PCDH15: variants seen among roughly 807,000 people sequenced by gnomAD.
PCDH15 encodes the protein protocadherin-15.
In PCDH15, 129 loss-of-function variants were observed where a neutral mutation model predicts 178.5. That is an observed-to-expected ratio of 0.72 (90% CI 0.63 to 0.84). PCDH15 has a LOEUF of 0.84. Ranked by LOEUF, PCDH15 falls within the 40% of genes least tolerant of loss-of-function variation. The pLI is 0.00. For missense variants in PCDH15, 2,230 were observed against 2,099.9 expected (o/e 1.06, Z -1.21); for synonymous variants, 800 against 732.0 (o/e 1.09, Z -1.50).
chr10:55,605,798 TG>T, intron 2 of PCDH15, among the ~76,000 whole-genome samples: 1 of 43,106 alleles, frequency 2.3e-5, no homozygotes, highest in East Asian at 6.5e-4. Context: ...TCATACTGAA[TG>T]GGCAAAAACT....
chr10:55,501,990 C>T (rs979908703), intron 2 of PCDH15, among the ~76,000 whole-genome samples: 1 of 151,500 alleles, frequency 6.6e-6, no homozygotes, highest in Non-Finnish European at 1.5e-5. Context: ...TATGTAATTT[C>T]TTTACATCCT....
At chr10:54,520,039 T>C (rs1238160061) in intron 3 of PCDH15, among the ~76,000 whole-genome samples, 3 of 152,174 alleles carry the variant, frequency 2.0e-5, no homozygotes, top group Non-Finnish European at 4.4e-5. Flanking sequence ...GATCCCTTCC[T>C]TACACCTTAT....
At chr10:55,376,277 ATATGT>A (rs1190852526) in intron 2 of PCDH15, among the ~76,000 whole-genome samples, 2 of 152,074 alleles carry the variant, frequency 1.3e-5, no homozygotes, top group Non-Finnish European at 2.9e-5. Context: ...ATCCACTTAG[ATATGT>A]TATAAGTTAG....
intron 2 of PCDH15, among the ~76,000 whole-genome samples, chr10:55,161,599 A>G (rs752050636): frequency 7.2e-5 from 11 of 152,158 alleles, no homozygotes; most frequent in Non-Finnish European, 1.5e-4. Flanking sequence ...GCAAACTGTT[A>G]TTAGGAAGGT....
At chr10:54,077,923 C>T (rs191003763) in intron 17 of PCDH15, among the ~76,000 whole-genome samples, 46 of 152,124 alleles carry the variant, frequency 3.0e-4, no homozygotes, top group Admixed American at 2.4e-3. Flanking sequence ...ATTAGCCAGG[C>T]GTGGTATCAT....
intron 3 of PCDH15, among the ~76,000 whole-genome samples, chr10:54,383,634 T>G (rs1032430985): frequency 2.0e-5 from 3 of 149,436 alleles, no homozygotes; most frequent in Non-Finnish European, 4.5e-5. Context: ...TGTTTTTGTG[T>G]GTGTGTGTGT....
At chr10:54,529,539 A>G (rs779684971) in intron 2 of PCDH15, among the ~76,000 whole-genome samples, 4 of 152,122 alleles carry the variant, frequency 2.6e-5, no homozygotes, top group Non-Finnish European at 5.9e-5. Context: ...GTTTCTTCAC[A>G]TGGCCTTAAC....
chr10:54,254,469 T>G (rs1302433338), intron 8 of PCDH15, among the ~76,000 whole-genome samples: 1 of 152,154 alleles, frequency 6.6e-6, no homozygotes, highest in East Asian at 1.9e-4. Flanking sequence ...CTGAACAGTA[T>G]AAAACATTTG....
At chr10:54,902,778 G>A (rs150295275) in intron 2 of PCDH15, among the ~76,000 whole-genome samples, 125 of 152,216 alleles carry the variant, frequency 8.2e-4, no homozygotes, top group African/African-American at 2.9e-3. Context: ...TTCATGGAAT[G>A]TTTGTACCTT....
chr10:55,401,594 C>CTGTGTG (rs3074786), intron 2 of PCDH15, among the ~76,000 whole-genome samples: 10,996 of 133,056 alleles, frequency 0.083, 523 homozygotes, highest in African/African-American at 0.12. Context: ...ATTTGCCTTA[C>CTGTGTG]TGTGTGTGTG....
At chr10:54,672,747 T>A (rs1222214988) in intron 1 of PCDH15, among the ~76,000 whole-genome samples, 1 of 152,140 alleles carries the variant, frequency 6.6e-6, no homozygotes, top group Admixed American at 6.5e-5. Flanking sequence ...ATTTTATATA[T>A]GATCAATTAT....
At chr10:54,092,768 G>T (rs1387309654) in intron 15 of PCDH15, among the ~76,000 whole-genome samples, 2 of 151,986 alleles carry the variant, frequency 1.3e-5, no homozygotes, top group Non-Finnish European at 2.9e-5. Context: ...TATATCTGGA[G>T]ACTATATCTT....
chr10:54,467,192 G>T (rs2077574537), intron 3 of PCDH15, among the ~76,000 whole-genome samples: 3 of 151,886 alleles, frequency 2.0e-5, no homozygotes, highest in African/African-American at 7.2e-5. Context: ...TGAGTACTAT[G>T]ATGAACTGCA....
At chr10:54,719,073 T>C (rs11004478) in intron 1 of PCDH15, among the ~76,000 whole-genome samples, 18,479 of 151,310 alleles carry the variant, frequency 0.12, 1,256 homozygotes, top group African/African-American at 0.17. Flanking sequence ...ATATTGATTT[T>C]AAAGAAGCTC....
chr10:55,103,804 G>A (rs551081324), intron 2 of PCDH15, among the ~76,000 whole-genome samples: 2 of 152,128 alleles, frequency 1.3e-5, no homozygotes, highest in South Asian at 4.2e-4. Context: ...AATGTCTTTT[G>A]GGTTTTAACT....
At chr10:55,274,597 C>A (rs1842535966) in intron 1 of PCDH15, among the ~76,000 whole-genome samples, 1 of 152,072 alleles carries the variant, frequency 6.6e-6, no homozygotes, top group Non-Finnish European at 1.5e-5. Flanking sequence ...CCTTAGTCAT[C>A]ACTAAAACTA....
intron 3 of PCDH15, among the ~76,000 whole-genome samples, chr10:54,884,224 T>A (rs1954312154): frequency 1.3e-5 from 2 of 152,036 alleles, no homozygotes; most frequent in South Asian, 4.1e-4. Flanking sequence ...TCTATAAAAT[T>A]ACCTTTGTTA....
chr10:54,689,776 T>C (rs1323603282), intron 1 of PCDH15, among the ~76,000 whole-genome samples: 1 of 152,182 alleles, frequency 6.6e-6, no homozygotes. Flanking sequence ...GAGTCACCTA[T>C]GAATACAATA....
At chr10:54,445,975 A>T (rs564691153) in intron 3 of PCDH15, among the ~76,000 whole-genome samples, 1 of 151,330 alleles carries the variant, frequency 6.6e-6, no homozygotes, top group Non-Finnish European at 1.5e-5. Context: ...TCTTCACAAC[A>T]CTGTATATGC....
Sources: gnomAD v4.1 joint callset for allele counts (sites outside exome capture counted in the v4.1 genomes callset) on GRCh38, gnomAD v4.1.1 for gene constraint, MANE v1.5 for transcripts, NCBI Gene and HGNC (gene_info 2026-07-23, HGNC 2026-07-21) for gene names.